Variants in PKD1 observed in about 807,000 individuals in gnomAD.
The protein encoded by PKD1 is polycystin 1, transient receptor potential channel interacting, also known as polycystin-1.
In PKD1, 81 loss-of-function variants were observed where a neutral mutation model predicts 361.7. The ratio of observed to expected loss-of-function variants is 0.22; its 90% CI spans 0.19 to 0.27. The LOEUF (loss-of-function observed/expected upper bound fraction) is 0.27, where lower values mean the gene tolerates loss of function less well. PKD1 is among the 10% of genes least tolerant of loss of function. The pLI is 1.00. For synonymous variants in PKD1, 3,615 were observed against 2,818.3 expected (o/e 1.28, Z -8.95); for missense variants, 6,399 against 6,118.3 (o/e 1.05, Z -1.53).
rs139573366 is a variant in PKD1, at chr16:2,089,483, G to A, written c.*244C>T. 2,444 of 575,206 alleles carry A rather than the reference G, an allele frequency of 4.2e-3. 6 individuals are homozygous for A. Among genetic ancestry groups the A allele is most frequent in the Non-Finnish European group, 6.0e-3 (1,942 of 322,916 alleles). 35.6% of individuals were successfully genotyped at this position (575,206 alleles called of 1,614,324 possible). On this transcript the variant is annotated 3_prime_UTR_variant, in exon 46 of 46. Transcript: ENST00000262304. ...CGGGGAAATAAATTAGCATCTCAGA[G>A]GCTAGAAACCGTCCAATACTGCTGT...
intron 13 of PKD1, 64 bp downstream of exon 13, chr16:2,112,724 G>A (rs1375316931): frequency 4.1e-5 from 63 of 1,536,908 alleles, no homozygotes; most frequent in African/African-American, 5.4e-5. Context: ...GGGGTCCCTC[G>A]GCTGAGGCTG....
chr16:2,088,976 C>CCTAG lies in PKD1; in HGVS notation c.*747_*750dup, dbSNP rs1258541403. The CCTAG allele has an allele frequency of 3.3e-6, 1 of 306,956 alleles. No individual in the cohort carries two copies. The highest frequency in any genetic ancestry group is 4.8e-5 in the Admixed American group (1 of 20,940). 19.0% of individuals were successfully genotyped at this position (306,956 alleles called of 1,614,324 possible). A position where few individuals can be genotyped will look rare whatever the true frequency, so the allele number is the denominator to read the frequency against. On this transcript the variant is annotated 3_prime_UTR_variant, in exon 46 of 46. Transcript: ENST00000262304. ...AACCACCCTGGGGTCCTCTGACATG[C>CCTAG]CTAGTCCTGCTACTTGCCCAGACCT...
Position 2,110,969 on chromosome 16 carries a change from G to A in PKD1, c.4198C>T (p.Leu1400=), listed in dbSNP as rs542025078. Residue 1400 remains leucine, a synonymous_variant, in exon 15 of 46, where the codon CTG becomes TTG. Transcript: ENST00000262304. ...AACGGGGGCCAGGCACATGCCACCA[G>A]CCAGGCCTCGTCCCCGAGCTGCACA... is the stretch of plus-strand genomic sequence containing the variant. ...QFVQLGDEAW[L]VACAWPPFPY... The A allele has an allele frequency of 2.5e-5, 40 of 1,610,462 alleles. No homozygotes were observed. Among genetic ancestry groups the A allele is most frequent in the Admixed American group, 3.3e-5 (2 of 60,008 alleles).
At position 2,097,359 on chromosome 16, in the gene PKD1, C is replaced by T. The variant is rs2091890454; in HGVS notation, c.10365G>A (p.Leu3455=). The part of the protein sequence containing the change: ...GLGPEEDGFS[L]ASPYSPAKSF... ...ATTTGGCAGGCGAGTAGGGGCTGGC[C>T]AGGGAGAAGCCGTCCTCCTCTGGGC... Residue 3455 remains leucine (L), a synonymous_variant, in exon 33 of 46, where the codon CTG becomes CTA. Coordinates refer to ENST00000262304, the MANE Select transcript of PKD1 (RefSeq NM_001009944.3). 6.2e-7 allele frequency: 1 copy of T among 1,612,132 alleles called. No homozygotes were observed. The highest frequency in any genetic ancestry group is 1.3e-5 in the African/African-American group (1 of 74,932).
At chr16:2,105,069 C>G (rs2092290088) in intron 21 of PKD1, among the ~76,000 whole-genome samples, 3 of 105,902 alleles carry the variant, frequency 2.8e-5, no homozygotes, top group African/African-American at 1.1e-4. Flanking sequence ...GGGCACAGAG[C>G]AGCATCTTCT....
rs554274981 is a variant in PKD1, at chr16:2,108,430, T to A, written c.6737A>T (p.Gln2246Leu). ...CTCGGGGGCCACCGTCACATTGGCC[T>A]GGATGCTCTGTGTCAGTGGCGTGTC... ...FGDTPLTQSI[Q>L]ANVTVAPERL... The change falls in exon 15 of 46, where the codon CAG becomes CTG. Residue 2246 changes from glutamine (Q) to leucine (L), a missense_variant. Gln to Leu is a moderately radical substitution (Grantham distance 113). Transcript: ENST00000262304. The A allele has an allele frequency of 1.9e-6, 3 of 1,610,526 alleles. No homozygotes were observed. Among genetic ancestry groups the A allele is most frequent in the East Asian group, 2.2e-5 (1 of 44,870 alleles).
rs747215688 is a variant in PKD1 at position 2,112,829 on chromosome 16, C to A, written c.3120G>T (p.Thr1040=). Residue 1040 remains threonine, a synonymous_variant, in exon 13 of 46, where the codon ACG becomes ACT. Coordinates refer to ENST00000262304, the MANE Select transcript of PKD1 (RefSeq NM_001009944.3). Reference sequence around the variant, plus strand: ...CGGCCGAGTCCACCAGCACGCCCGCCGTCAGTGCTAGCGTGGCATTGGGGG... The same window carrying A: ...CGGCCGAGTCCACCAGCACGCCCGCAGTCAGTGCTAGCGTGGCATTGGGGG... ...VLSPNATLAL[T]AGVLVDSAVE... is the part of the protein sequence containing the mutation. The A allele has an allele frequency of 1.9e-6, 3 of 1,602,298 alleles. No individual in the cohort carries two copies. The highest frequency in any genetic ancestry group is 2.5e-6 in the Non-Finnish European group (3 of 1,179,650).
At chr16:2,134,597 G>C (rs1313013224) in intron 1 of PKD1, among the ~76,000 whole-genome samples, 1 of 151,654 alleles carries the variant, frequency 6.6e-6, no homozygotes, top group Non-Finnish European at 1.5e-5. Context: ...CCAAACCCCT[G>C]CTATGCACAT....
Position 2,091,061 on chromosome 16 carries a change from C to T in PKD1, c.11826G>A (p.Val3942=). 1 of 1,518,450 alleles carries T rather than the reference C, an allele frequency of 6.6e-7. No homozygotes were observed. The highest frequency in any genetic ancestry group is 8.8e-7 in the Non-Finnish European group (1 of 1,138,682). 94.1% of individuals were successfully genotyped at this position (1,518,450 alleles called of 1,614,324 possible). ...RLGAWARWLL[V]ALTAATALVR... Reference sequence around the variant, plus strand: ...CCAGTGCCGTGGCCGCCGTCAGCGCCACCAGCAGCCACCGCGCCCAGGCTC... The same window carrying T: ...CCAGTGCCGTGGCCGCCGTCAGCGCTACCAGCAGCCACCGCGCCCAGGCTC... The change falls in exon 43 of 46, where the codon GTG becomes GTA. Residue 3942 remains valine, a synonymous_variant. Transcript: ENST00000262304.
At chr16:2,107,210 T>C in intron 16 of PKD1, 1 of 539,476 alleles carries the variant, frequency 1.9e-6, no homozygotes, top group South Asian at 1.9e-5. Context: ...AGGCAGGCAA[T>C]GCTCACTGAG....
chr16:2,129,187 C>T (rs1311854245), intron 1 of PKD1, among the ~76,000 whole-genome samples: 1 of 148,288 alleles, frequency 6.7e-6, no homozygotes, highest in Non-Finnish European at 1.5e-5. Flanking sequence ...TTTTAAAGAC[C>T]GTTTCCTAGT....
At position 2,094,215 on chromosome 16, in the gene PKD1, G is replaced by A; in HGVS notation, c.10500-5C>T. ...TTCTCCCCAGGAGTGCTGGACCTGA[G>A]GGACATGGTAGGCTGTGAATTCATC... On this transcript the variant is annotated splice_region_variant and splice_polypyrimidine_tract_variant and intron_variant, in intron 34 of 45. Transcript: ENST00000262304. 5 of 1,552,652 alleles carry A rather than the reference G, an allele frequency of 3.2e-6. No homozygotes were observed. In the Middle Eastern group the frequency reaches 6.7e-4, roughly 208 times the overall value.
rs562719962 is a variant in PKD1 at position 2,123,296 on chromosome 16, G to C, written c.216-3918C>G. On this transcript the variant is annotated intron_variant, in intron 1 of 45. Transcript: ENST00000262304. ...GGGCCCAGGGCAGTGGAATGAAGCT[G>C]GGGCCCAGACAGGAGCCAGGTGCAG... Among the ~76,000 whole-genome samples the C allele has an allele frequency of 9.4e-3, 1,431 of 152,120 alleles. 18 individuals carry two copies. Among genetic ancestry groups the C allele is most frequent in the African/African-American group, 0.031 (1,285 of 41,496 alleles).
chr16:2,100,907 G>A lies in PKD1; in HGVS notation c.9398-341C>T, dbSNP rs1321973046. 8 of 432,940 alleles carry A rather than the reference G, an allele frequency of 1.8e-5. No individual in the cohort carries two copies. The highest frequency in any genetic ancestry group is 3.6e-5 in the Admixed American group (1 of 27,674). 26.8% of individuals were successfully genotyped at this position (432,940 alleles called of 1,614,324 possible). A position where few individuals can be genotyped will look rare whatever the true frequency, so the allele number is the denominator to read the frequency against. On this transcript the variant is annotated intron_variant, in intron 26 of 45. Transcript: ENST00000262304. This position sits in a 1 kb window ranked among gnomAD's most constrained non-coding sequence, Gnocchi z 4.4. ...AACCGGTGACCCGCACCACACACCC[G>A]TCCCTCAGTTCATGCACAGACTGCA... is the stretch of plus-strand genomic sequence containing the variant.
At chr16:2,094,675 C>A (rs963794705) in intron 34 of PKD1, 1 of 234,336 alleles carries the variant, frequency 4.3e-6, no homozygotes, top group Admixed American at 5.2e-5. Flanking sequence ...CAAATCCCAA[C>A]AGTGTGTAGG....
At chr16:2,126,169 C>T (rs961981201) in intron 1 of PKD1, among the ~76,000 whole-genome samples, 1 of 152,228 alleles carries the variant, frequency 6.6e-6, no homozygotes, top group Admixed American at 6.5e-5. Flanking sequence ...GCCAGGGCCA[C>T]GATGCACAGT....
intron 39 of PKD1, 123 bp downstream of exon 39, chr16:2,092,357 G>C (rs370503160): frequency 1.0e-6 from 1 of 970,120 alleles, no homozygotes; most frequent in Non-Finnish European, 1.6e-6. Flanking sequence ...AGAAGGAAAC[G>C]GCGGTGTTAA....
intron 20 of PKD1, 115 bp from the exon 21 acceptor site, chr16:2,105,589 G>A (rs1266626937): frequency 2.5e-5 from 39 of 1,589,494 alleles, no homozygotes; most frequent in African/African-American, 4.0e-5. Flanking sequence ...TGTGATGCGG[G>A]CACTGACCCA....
rs1471045652 is a variant in PKD1 at position 2,107,895 on chromosome 16, G to A, written c.7053C>T (p.Ala2351=). 2 of 1,544,578 alleles carry A rather than the reference G, an allele frequency of 1.3e-6. No individual in the cohort carries two copies. Among genetic ancestry groups the A allele is most frequent in the Admixed American group, 2.0e-5 (1 of 51,012 alleles). The change falls in exon 16 of 46, where the codon GCC becomes GCT. Residue 2351 remains alanine (A), a synonymous_variant. Transcript: ENST00000262304. ...GGGCGGCACCCACCGTCTGGTTGGT[G>A]GCCTCCTCCTTGCGGCCGGCCTTCC... The part of the protein sequence containing the change: ...TVWKAGRKEE[A]TNQTVLIRSG...
Sources: allele counts gnomAD v4.1 joint callset (sites outside exome capture counted in the v4.1 genomes callset), GRCh38; gene constraint gnomAD v4.1.1; non-coding constraint Gnocchi (gnomAD v3.1); transcripts MANE v1.5; gene names NCBI Gene and HGNC (gene_info 2026-07-23, HGNC 2026-07-21).